UPF2: variants seen among roughly 807,000 people sequenced by gnomAD.
The protein encoded by UPF2 is regulator of nonsense transcripts 2.
UPF2 carries 17 observed loss-of-function variants against 141.4 expected under a neutral mutation model. That is an observed-to-expected ratio of 0.12 (90% CI 0.08 to 0.18). UPF2 has a LOEUF of 0.18. Among genes scored for constraint, UPF2 ranks in the 10% least tolerant of loss-of-function variants. The probability of loss-of-function intolerance (pLI) is 1.00; values close to 1 mark genes in which losing one functional copy is unlikely to be tolerated. For synonymous variants in UPF2, 540 were observed against 498.0 expected (o/e 1.08, Z -1.12); for missense variants, 1,152 against 1,515.9 (o/e 0.76, Z 3.99).
intron 14 of UPF2, among the ~76,000 whole-genome samples, chr10:11,954,625 C>G (rs1281048443): frequency 1.8e-4 from 11 of 61,044 alleles, no homozygotes. Flanking sequence ...CACAGCAAGA[C>G]TTACTCTCAA....
intron 2 of UPF2, among the ~76,000 whole-genome samples, chr10:12,032,170 T>C (rs980449131): frequency 1.3e-5 from 2 of 152,026 alleles, no homozygotes; most frequent in African/African-American, 4.8e-5. Flanking sequence ...GGCACATGCC[T>C]GTAATCCCAG....
At chr10:12,023,863 G>A (rs1239625425) in intron 3 of UPF2, among the ~76,000 whole-genome samples, 3 of 151,582 alleles carry the variant, frequency 2.0e-5, no homozygotes, top group South Asian at 4.2e-4. Context: ...GTGGTGGCAC[G>A]TGCCTATGGT....
At position 11,959,044 on chromosome 10, in the gene UPF2, G is replaced by C; in HGVS notation, c.2370+127C>G. 3 of 749,250 alleles carry C rather than the reference G, an allele frequency of 4.0e-6. No individual in the cohort carries two copies. The highest frequency in any genetic ancestry group is 5.7e-6 in the Non-Finnish European group (3 of 525,820). The allele number at this position is 749,250 out of a possible 1,614,324, so 46.4% of individuals were successfully genotyped here. ...ATCATCATAAGAATTCCTTCTTAGG[G>C]TGACTTACACAGAGCTGATTATAAA... On this transcript the variant is annotated intron_variant, in intron 12 of 21. Transcript: ENST00000357604. The surrounding 1 kb of genome is among the most constrained non-coding windows in gnomAD (Gnocchi z 5.9).
Position 11,955,418 on chromosome 10 carries a change from A to G in UPF2, c.2664T>C (p.Val888=). Residue 888 remains valine, a synonymous_variant, in exon 14 of 22, where the codon GTT becomes GTC. Coordinates refer to ENST00000357604, the MANE Select transcript of UPF2 (RefSeq NM_015542.4). The part of the protein sequence containing the change: ...LYNYRMVESA[V]IFRTLYSFTS... ...TAAAAGAATACAGAGTTCTGAAAATAACAGCTGATTCCACCATTCGGTAAT... is the reference window on the plus strand; with the variant it reads ...TAAAAGAATACAGAGTTCTGAAAATGACAGCTGATTCCACCATTCGGTAAT... 1 of 1,614,188 alleles carries G rather than the reference A, an allele frequency of 6.2e-7. No individual in the cohort carries two copies. Among genetic ancestry groups the G allele is most frequent in the Non-Finnish European group, 8.5e-7 (1 of 1,180,026 alleles).
At chr10:12,025,027 C>A (rs1814509652) in intron 3 of UPF2, among the ~76,000 whole-genome samples, 1 of 150,394 alleles carries the variant, frequency 6.6e-6, no homozygotes, top group Non-Finnish European at 1.5e-5. Context: ...TGTACCCTTG[C>A]AGAAGGTAGG....
Position 11,931,810 on chromosome 10 carries a change from A to G in UPF2, c.3547-28T>C, listed in dbSNP as rs757421527. ...GGGAGAAAATAACAAAGGAGTTACA[A>G]ATAGTTTGAGAACACTGAGAGAAAG... On this transcript the variant is annotated intron_variant, in intron 19 of 21. Coordinates refer to ENST00000357604, the MANE Select transcript of UPF2 (RefSeq NM_015542.4). This position sits in a 1 kb window ranked among gnomAD's most constrained non-coding sequence, Gnocchi z 5.9. The G allele has an allele frequency of 4.4e-6, 7 of 1,584,466 alleles. No individual in the cohort carries two copies. Among genetic ancestry groups the G allele is most frequent in the Non-Finnish European group, 6.0e-6 (7 of 1,171,648 alleles).
intron 20 of UPF2, among the ~76,000 whole-genome samples, chr10:11,930,276 G>T (rs1832767261): frequency 6.6e-6 from 1 of 152,356 alleles, no homozygotes. Flanking sequence ...ATAGCTAAGA[G>T]CATCGTGTGT....
intron 7 of UPF2, among the ~76,000 whole-genome samples, chr10:11,999,633 T>C (rs1376788738): frequency 6.6e-6 from 1 of 150,834 alleles, no homozygotes. Context: ...CCAGAAACCA[T>C]ACTTTTAGCA....
Position 11,989,757 on chromosome 10 carries a change from A to G in UPF2, c.1844+7915T>C, listed in dbSNP as rs139077615. On this transcript the variant is annotated intron_variant, in intron 8 of 21. Transcript: ENST00000357604. ...AAATGACTTGGCACTTCTTGTCCAA[A>G]GTATCTAGGACTAAGCTGAGTTCAC... Among the ~76,000 whole-genome samples the G allele has an allele frequency of 1.5e-3, 235 of 152,316 alleles. 1 individual carries two copies. Among genetic ancestry groups the G allele is most frequent in the African/African-American group, 5.2e-3 (217 of 41,562 alleles).
chr10:11,938,252 TAC>T (rs1564337510), intron 18 of UPF2, among the ~76,000 whole-genome samples: 1 of 152,238 alleles, frequency 6.6e-6, no homozygotes, highest in Non-Finnish European at 1.5e-5. Flanking sequence ...TTTGAGTATA[TAC>T]AGAGCTAATT....
intron 3 of UPF2, among the ~76,000 whole-genome samples, chr10:12,024,750 T>C (rs1012922963): frequency 6.6e-6 from 1 of 151,700 alleles, no homozygotes; most frequent in African/African-American, 2.4e-5. Context: ...CTGAGCAACA[T>C]AGGGAGCTCC....
intron 12 of UPF2, among the ~76,000 whole-genome samples, chr10:11,958,855 C>T (rs138760703): frequency 2.0e-5 from 3 of 152,156 alleles, no homozygotes; most frequent in Admixed American, 2.0e-4. Flanking sequence ...ATCCTGTGTA[C>T]TGATGCAAAA....
intron 16 of UPF2, among the ~76,000 whole-genome samples, chr10:11,944,097 T>G (rs554659334): frequency 1.3e-5 from 2 of 152,012 alleles, no homozygotes; most frequent in Non-Finnish European, 2.9e-5. Context: ...AAACAAATAC[T>G]TAAATGTGTT....
chr10:12,040,267 C>T (rs1320328503), intron 1 of UPF2, among the ~76,000 whole-genome samples: 4 of 151,874 alleles, frequency 2.6e-5, no homozygotes. Context: ...ACTAAAAACA[C>T]CAAAATTAGC....
At chr10:11,932,573 A>G (rs1588524327) in intron 19 of UPF2, among the ~76,000 whole-genome samples, 1 of 152,208 alleles carries the variant, frequency 6.6e-6, no homozygotes, top group East Asian at 1.9e-4. Context: ...AAAAAACATA[A>G]AAGAGACAGT....
chr10:11,949,901 A>G (rs1265001319), intron 15 of UPF2, among the ~76,000 whole-genome samples: 1 of 152,250 alleles, frequency 6.6e-6, no homozygotes. Flanking sequence ...TCAACCTAAG[A>G]GTGAAACAGC....
intron 11 of UPF2, among the ~76,000 whole-genome samples, chr10:11,960,320 G>T (rs997623320): frequency 1.3e-5 from 2 of 152,138 alleles, no homozygotes; most frequent in East Asian, 3.9e-4. Flanking sequence ...GCTGAGGTGA[G>T]AGAGTCCCTT....
chr10:11,950,058 CA>C (rs1451911897), intron 15 of UPF2, among the ~76,000 whole-genome samples: 2 of 151,274 alleles, frequency 1.3e-5, no homozygotes, highest in African/African-American at 2.4e-5. Flanking sequence ...ATCACAAACA[CA>C]AAAAAAATTT....
chr10:12,004,008 TGA>T (rs1176136514), intron 5 of UPF2, among the ~76,000 whole-genome samples: 1 of 145,158 alleles, frequency 6.9e-6, no homozygotes, highest in Non-Finnish European at 1.5e-5. Flanking sequence ...GTAACCCGGG[TGA>T]GAGAGGATGG....
Sources: gnomAD v4.1 joint callset for allele counts (sites outside exome capture counted in the v4.1 genomes callset) on GRCh38, gnomAD v4.1.1 for gene constraint, Gnocchi (gnomAD v3.1) non-coding constraint, MANE v1.5 for transcripts, NCBI Gene and HGNC (gene_info 2026-07-23, HGNC 2026-07-21) for gene names.